The following FOXRED2 variants were observed in gnomAD, a reference collection of about 807,000 sequenced individuals.
The protein encoded by FOXRED2 is FAD-dependent oxidoreductase domain-containing protein 2.
In FOXRED2, 32 loss-of-function variants were observed where a neutral mutation model predicts 52.5. The observed-to-expected ratio is 0.61, with a 90% confidence interval of 0.46 to 0.82. The LOEUF is 0.82. FOXRED2 is among the 40% of genes least tolerant of loss of function. The pLI is 0.00. For missense variants in FOXRED2, 848 were observed against 937.5 expected (o/e 0.90, Z 1.25); for synonymous variants, 405 against 398.1 (o/e 1.02, Z -0.21).
At chr22:36,493,916 C>T in intron 7 of FOXRED2, 113 bp from the exon 8 acceptor site, 1 of 914,402 alleles carries the variant, frequency 1.1e-6, no homozygotes, top group East Asian at 2.7e-5. Context: ...TTCACTCGTG[C>T]TCGGCTTTCC....
At chr22:36,498,759 G>T (rs937251239) in intron 5 of FOXRED2, among the ~76,000 whole-genome samples, 1 of 152,038 alleles carries the variant, frequency 6.6e-6, no homozygotes, top group Non-Finnish European at 1.5e-5. Context: ...TGCCCAGGCT[G>T]GAGTGCAGTG....
chr22:36,501,529 C>G, intron 4 of FOXRED2, 122 bp from the exon 5 acceptor site: 1 of 890,582 alleles, frequency 1.1e-6, no homozygotes, highest in Non-Finnish European at 1.7e-6. Flanking sequence ...GGCGTGATCT[C>G]GGCTCACTGC....
rs748245109 is a variant in FOXRED2, at chr22:36,504,696, C to G, written c.598G>C (p.Gly200Arg). The G allele has an allele frequency of 1.2e-6, 2 of 1,614,162 alleles. No individual in the cohort carries two copies. The highest frequency in any genetic ancestry group is 2.7e-5 in the African/African-American group (2 of 75,034). ...VDFPGSEYAE[G>R]YESVSVDPED... Reference sequence around the variant, plus strand: ...GGGTCCACGGACACGGACTCGTAACCCTCTGCATATTCGGAGCCAGGGAAG... The same window carrying G: ...GGGTCCACGGACACGGACTCGTAACGCTCTGCATATTCGGAGCCAGGGAAG... The change falls in exon 3 of 9, where the codon GGT becomes CGT. Residue 200 changes from glycine (G) to arginine (R), a missense_variant. Physicochemically the swap from Gly to Arg is moderately radical, Grantham distance 125. Coordinates refer to ENST00000397224, the MANE Select transcript of FOXRED2 (RefSeq NM_001102371.2).
In FOXRED2 at chr22:36,496,102, T is replaced by C. The variant is rs896490154; in HGVS notation, c.1489A>G (p.Met497Val). 1.2e-6 allele frequency: 2 copies of C among 1,614,108 alleles called. No individual in the cohort carries two copies. The highest frequency in any genetic ancestry group is 3.3e-5 in the Admixed American group (2 of 60,008). ...CCAGAGAAATTTCTGCCATATTCCATGTTGATGACGAAGAGCCCGTGCTTT... is the reference window on the plus strand; with the variant it reads ...CCAGAGAAATTTCTGCCATATTCCACGTTGATGACGAAGAGCCCGTGCTTT... ...KAKHGLFVIN[M>V]EYGRNFSGPD... is the part of the protein sequence containing the mutation. The change falls in exon 7 of 9, where the codon ATG becomes GTG. Residue 497 changes from methionine to valine, a missense_variant. Met to Val is a conservative substitution (Grantham distance 21, BLOSUM62 1). Coordinates refer to ENST00000397224, the MANE Select transcript of FOXRED2 (RefSeq NM_001102371.2).
intron 4 of FOXRED2, 38 bp from the exon 5 acceptor site, chr22:36,501,445 A>G (rs765831450): frequency 1.3e-6 from 2 of 1,598,628 alleles, no homozygotes; most frequent in Admixed American, 1.7e-5. Context: ...AATAGCTGCT[A>G]TGTAAGAGGC....
At chr22:36,491,057 G>A (rs1040388388) in intron 8 of FOXRED2, among the ~76,000 whole-genome samples, 2 of 152,132 alleles carry the variant, frequency 1.3e-5, no homozygotes, top group African/African-American at 2.4e-5. Flanking sequence ...AGCTACTCGG[G>A]AGGCTGAGGC....
rs772457345 is a variant in FOXRED2 at position 36,501,269 on chromosome 22, C to T, written c.1188G>A (p.Gly396=). 5.6e-6 allele frequency: 9 copies of T among 1,614,080 alleles called. No individual in the cohort carries two copies. The highest frequency in any genetic ancestry group is 7.6e-6 in the Non-Finnish European group (9 of 1,180,012). Residue 396 remains glycine (G), a synonymous_variant, in exon 5 of 9, where the codon GGG becomes GGA. Transcript: ENST00000397224. ...SHSVDYRKSA[G]GFIHGFRYTV... Reference sequence around the variant, plus strand: ...TGTATCGGAATCCGTGGATGAAGCCCCCAGCAGATTTCCGGTAGTCCACCG... The same window carrying T: ...TGTATCGGAATCCGTGGATGAAGCCTCCAGCAGATTTCCGGTAGTCCACCG...
rs760718 is a variant in FOXRED2 at position 36,504,759 on chromosome 22, A to G, written c.535T>C (p.Phe179Leu). Residue 179 changes from phenylalanine to leucine, a missense_variant, in exon 3 of 9, where the codon TTT becomes CTT. Coordinates refer to ENST00000397224, the MANE Select transcript of FOXRED2 (RefSeq NM_001102371.2). Reference protein sequence around the residue: ...KGQVHQCSVLFVATGLSVPNQ... With the variant: ...KGQVHQCSVLLVATGLSVPNQ... ...GGGACTGATAAACCAGTGGCTACAA[A>G]GAGGACGCTGCAGGCGGGGACAGAG... is the stretch of plus-strand genomic sequence containing the variant. 0.66 allele frequency: 1,064,975 copies of G among 1,613,530 alleles called. 363,584 individuals are homozygous for G. Among genetic ancestry groups the G allele is most frequent in the Non-Finnish European group, 0.71 (843,340 of 1,179,724 alleles).
At chr22:36,494,076 T>C (rs1933831028) in intron 7 of FOXRED2, among the ~76,000 whole-genome samples, 1 of 152,236 alleles carries the variant, frequency 6.6e-6, no homozygotes, top group Non-Finnish European at 1.5e-5. Flanking sequence ...GGCGTTTCCC[T>C]AAGACTCACA....
rs138912757 is a variant in FOXRED2, at chr22:36,506,268, G to C, written c.155C>G (p.Ala52Gly). The C allele has an allele frequency of 3.4e-5, 54 of 1,606,524 alleles. No homozygotes were observed. The highest frequency in any genetic ancestry group is 4.4e-5 in the Non-Finnish European group (52 of 1,175,992). The change falls in exon 2 of 9, where the codon GCT (alanine) becomes GGT (glycine). Residue 52 changes from alanine (A) to glycine (G), a missense_variant. Ala to Gly is a moderately conservative substitution (Grantham distance 60). Coordinates refer to ENST00000397224, the MANE Select transcript of FOXRED2 (RefSeq NM_001102371.2). ...GLQMAYFLQR[A>G]GRDYAVFERA... The stretch of plus-strand genomic sequence containing the variant: ...CTCGAACACTGCGTAGTCGCGTCCA[G>C]CGCGCTGCAGGAAGTAGGCCATCTG...
chr22:36,490,129 G>A lies in FOXRED2; in HGVS notation c.1934C>T (p.Ala645Val), dbSNP rs754612944. The change falls in exon 9 of 9, where the codon GCC becomes GTC. Residue 645 changes from alanine to valine, a missense_variant. Coordinates refer to ENST00000397224, the MANE Select transcript of FOXRED2 (RefSeq NM_001102371.2). ...GTCCTCCAGGCGCCTGCCTGTGGGGGCATAGTCCCGCAGGAGCCTGCTCTC... is the reference window on the plus strand; with the variant it reads ...GTCCTCCAGGCGCCTGCCTGTGGGGACATAGTCCCGCAGGAGCCTGCTCTC... ...RVESRLLRDY[A>V]PTGRRLEDSS... is the part of the protein sequence containing the mutation. The A allele has an allele frequency of 6.2e-7, 1 of 1,614,030 alleles. No individual in the cohort carries two copies. Among genetic ancestry groups the A allele is most frequent in the South Asian group, 1.1e-5 (1 of 91,080 alleles).
In FOXRED2 at chr22:36,487,816, G is replaced by C. The variant is rs1283532649; in HGVS notation, c.*2192C>G. The C allele has an allele frequency of 6.6e-6, 1 of 152,280 alleles. No individual in the cohort carries two copies. The highest frequency in any genetic ancestry group is 1.5e-5 in the Non-Finnish European group (1 of 68,092). 9.4% of individuals were successfully genotyped at this position (152,280 alleles called of 1,614,324 possible). A position where few individuals can be genotyped will look rare whatever the true frequency, so the allele number is the denominator to read the frequency against. ...AGTTAAAAAGTCTGGACTGGGCCGA[G>C]CGTGGTGGCTCATGCCTGTAATCCC... is the stretch of plus-strand genomic sequence containing the variant. On this transcript the variant is annotated 3_prime_UTR_variant, in exon 9 of 9. Transcript: ENST00000397224.
At position 36,497,979 on chromosome 22, in the gene FOXRED2, C is replaced by T. The variant is rs373666053; in HGVS notation, c.1382+12G>A. On this transcript the variant is annotated intron_variant, in intron 6 of 8. Transcript: ENST00000397224. ...TGGGCCGAGGGGAGTAGGGTGGGGACGGGCTACTCACTCCTTCAACAGGAT... is the reference window on the plus strand; with the variant it reads ...TGGGCCGAGGGGAGTAGGGTGGGGATGGGCTACTCACTCCTTCAACAGGAT... 43 of 1,610,536 alleles carry T rather than the reference C, an allele frequency of 2.7e-5. No homozygotes were observed. Among genetic ancestry groups the T allele is most frequent in the Middle Eastern group, 1.7e-4 (1 of 6,038 alleles).
intron 2 of FOXRED2, 106 bp from the exon 3 acceptor site, chr22:36,504,872 C>G: frequency 8.2e-7 from 1 of 1,221,682 alleles, no homozygotes; most frequent in African/African-American, 1.5e-5. Flanking sequence ...CTCCAACCGC[C>G]GGCCCCTAAA....
chr22:36,504,907 A>C, intron 2 of FOXRED2, 141 bp from the exon 3 acceptor site: 1 of 872,496 alleles, frequency 1.1e-6, no homozygotes, highest in Non-Finnish European at 1.8e-6. Context: ...TCATTCATTC[A>C]TTTTTCATTC....
rs768525893 is a variant in FOXRED2, at chr22:36,495,999, G to A, written c.1592C>T (p.Pro531Leu). The stretch of plus-strand genomic sequence containing the variant: ...GAGGTATCTATAGTAGTAGATGACA[G>A]GATGAAGAAAGTTAGACTGCCAGGC... ...EDAWQSNFLH[P>L]VIYYYRYLPT... The change falls in exon 7 of 9, where the codon CCT becomes CTT. Residue 531 changes from proline to leucine, a missense_variant. Pro to Leu is a moderately conservative substitution (Grantham distance 98). Coordinates refer to ENST00000397224, the MANE Select transcript of FOXRED2 (RefSeq NM_001102371.2). 8 of 1,614,100 alleles carry A rather than the reference G, an allele frequency of 5.0e-6. No individual in the cohort carries two copies. Among genetic ancestry groups the A allele is most frequent in the Non-Finnish European group, 6.8e-6 (8 of 1,180,030 alleles).
intron 8 of FOXRED2, among the ~76,000 whole-genome samples, chr22:36,491,288 G>C (rs1375297130): frequency 6.6e-6 from 1 of 152,248 alleles, no homozygotes; most frequent in Non-Finnish European, 1.5e-5. Flanking sequence ...GGTAGGGAAA[G>C]CGGGTGACAT....
intron 5 of FOXRED2, 60 bp downstream of exon 5, chr22:36,501,181 C>A: frequency 6.4e-7 from 1 of 1,558,374 alleles, no homozygotes; most frequent in Non-Finnish European, 8.8e-7. Flanking sequence ...GATTTATAAA[C>A]CCTGGGATGC....
intron 7 of FOXRED2, among the ~76,000 whole-genome samples, chr22:36,494,578 C>A (rs778022499): frequency 1.1e-4 from 17 of 152,218 alleles, no homozygotes; most frequent in Non-Finnish European, 1.9e-4. Context: ...CGTCGCTATT[C>A]TGGGAAACCT....
Sources: gnomAD v4.1 joint callset for allele counts (sites outside exome capture counted in the v4.1 genomes callset) on GRCh38, gnomAD v4.1.1 for gene constraint, MANE v1.5 for transcripts, NCBI Gene and HGNC (gene_info 2026-07-23, HGNC 2026-07-21) for gene names.